Variants in FOCAD observed in about 807,000 individuals in gnomAD.
FOCAD encodes the protein focadhesin, also known as KIAA1797.
A neutral mutation model predicts 225.6 loss-of-function variants in FOCAD; 198 were observed. The observed-to-expected ratio is 0.88, with a 90% CI of 0.78 to 0.99. The LOEUF (loss-of-function observed/expected upper bound fraction) is 0.99, where lower values mean the gene tolerates loss of function less well. FOCAD is among the 50% of genes least tolerant of loss of function. The pLI is 0.00. For synonymous variants in FOCAD, 897 were observed against 755.0 expected, an observed-to-expected ratio of 1.19 and a Z score of -3.08; for missense variants, 2,713 against 2,123.6, an observed-to-expected ratio of 1.28 and a Z score of -5.46.
At chr9:20,657,055 A>G (rs1014386082), upstream of FOCAD, among the ~76,000 whole-genome samples, 3 of 152,164 alleles carry the variant, frequency 2.0e-5, no homozygotes, top group African/African-American at 7.2e-5. Flanking sequence ...TTGGCTGGAT[A>G]TGAAATTCTG....
intron 10 of FOCAD, among the ~76,000 whole-genome samples, chr9:20,789,119 T>C (rs1334734863): frequency 6.6e-6 from 1 of 152,200 alleles, no homozygotes; most frequent in Admixed American, 6.5e-5. Flanking sequence ...ATGGTAAATA[T>C]GAGGAAAAGT....
chr9:20,783,802 C>T (rs767486865), intron 10 of FOCAD, among the ~76,000 whole-genome samples: 15 of 152,156 alleles, frequency 9.9e-5, no homozygotes, highest in Non-Finnish European at 1.3e-4. Flanking sequence ...CCTCCACTCC[C>T]GCAAGAGAAT....
At chr9:20,765,920 G>C (rs895070436) in intron 7 of FOCAD, among the ~76,000 whole-genome samples, 3 of 152,184 alleles carry the variant, frequency 2.0e-5, no homozygotes, top group African/African-American at 7.2e-5. Flanking sequence ...CCTGCTTTAA[G>C]TTTGTGTTAG....
chr9:20,891,374 A>G (rs2131905804), intron 21 of FOCAD, among the ~76,000 whole-genome samples: 1 of 152,344 alleles, frequency 6.6e-6, no homozygotes, highest in South Asian at 2.1e-4. Context: ...AGGAAGGCAT[A>G]TTGAAAGCTG....
chr9:20,679,571 ACT>A (rs1410701620), upstream of FOCAD, among the ~76,000 whole-genome samples: 2 of 148,860 alleles, frequency 1.3e-5, no homozygotes, highest in African/African-American at 4.9e-5. Context: ...CATTTTTCTT[ACT>A]CTCTTTTTTT....
chr9:20,769,511 C>T (rs1817968307), intron 7 of FOCAD, among the ~76,000 whole-genome samples: 1 of 152,212 alleles, frequency 6.6e-6, no homozygotes, highest in South Asian at 2.1e-4. Context: ...GTTGAGAAGA[C>T]ACTCTACCAT....
chr9:20,778,578 T>C (rs1398722295), intron 8 of FOCAD, 103 bp from the exon 9 acceptor site: 2 of 636,028 alleles, frequency 3.1e-6, no homozygotes, highest in East Asian at 2.7e-5. Context: ...TGTAATAGGC[T>C]TGCAGTCTTT....
intron 35 of FOCAD, among the ~76,000 whole-genome samples, chr9:20,975,936 T>C (rs892695394): frequency 1.3e-5 from 2 of 152,208 alleles, no homozygotes; most frequent in Admixed American, 6.5e-5. Flanking sequence ...TAATGAGGGA[T>C]TGGTTAAAGG....
intron 4 of FOCAD, among the ~76,000 whole-genome samples, chr9:20,732,693 A>T (rs532266703): frequency 1.3e-5 from 2 of 152,264 alleles, no homozygotes; most frequent in East Asian, 3.9e-4. Flanking sequence ...AGGCACCTAG[A>T]TGGGATACAC....
At chr9:20,988,720 A>C (rs1489833590) in intron 41 of FOCAD, among the ~76,000 whole-genome samples, 2 of 152,058 alleles carry the variant, frequency 1.3e-5, no homozygotes, top group Admixed American at 6.5e-5. Flanking sequence ...ATTTTCAACA[A>C]AATATGTTTC....
At chr9:20,874,076 A>G (rs1830022134) in intron 18 of FOCAD, 2 of 152,202 alleles carry the variant, frequency 1.3e-5, no homozygotes, top group African/African-American at 4.8e-5. Context: ...AGCAGCCACA[A>G]AAATCCTCAA....
intron 11 of FOCAD, among the ~76,000 whole-genome samples, chr9:20,815,190 A>G (rs1165523285): frequency 3.2e-5 from 4 of 126,626 alleles, no homozygotes; most frequent in Admixed American, 9.8e-5. Flanking sequence ...GCTGGAGTGC[A>G]GTGGCACAAC....
chr9:20,699,470 A>G (rs1279019087), intron 1 of FOCAD, among the ~76,000 whole-genome samples: 2 of 151,842 alleles, frequency 1.3e-5, no homozygotes. Context: ...ACCTGGGCGC[A>G]GTAGCTCATG....
chr9:20,702,893 T>A (rs1824078172), intron 1 of FOCAD, among the ~76,000 whole-genome samples: 1 of 152,200 alleles, frequency 6.6e-6, no homozygotes, highest in Non-Finnish European at 1.5e-5. Context: ...TGCTTTGCAT[T>A]TATTCAGTTA....
At chr9:20,745,387 G>A (rs916667063) in intron 5 of FOCAD, among the ~76,000 whole-genome samples, 4 of 152,144 alleles carry the variant, frequency 2.6e-5, no homozygotes, top group Admixed American at 6.5e-5. Context: ...ATGGCACTGG[G>A]CCTGTTTAAA....
At position 20,819,915 on chromosome 9, in the gene FOCAD, T is replaced by G. The variant is rs768715888; in HGVS notation, c.1560+15T>G. 11 of 1,440,540 alleles carry G rather than the reference T, an allele frequency of 7.6e-6. No homozygotes were observed. The East Asian group carries it at 2.7e-4, about 35-fold the overall frequency. The allele number at this position is 1,440,540 out of a possible 1,614,324, so 89.2% of individuals were successfully genotyped here. A position where few individuals can be genotyped will look rare whatever the true frequency, so the allele number is the denominator to read the frequency against. The stretch of plus-strand genomic sequence containing the variant: ...GTGTTCACAAGGTTAGTATGTTAAT[T>G]AATTTAGTTGGCGAAAAAAGTGAGT... On this transcript the variant is annotated intron_variant, in intron 12 of 43. Transcript: ENST00000338382.
intron 4 of FOCAD, among the ~76,000 whole-genome samples, chr9:20,729,956 T>A (rs28602414): frequency 0.018 from 2,709 of 152,260 alleles, 78 homozygotes; most frequent in African/African-American, 0.062. Flanking sequence ...TTATAAATTA[T>A]CTCTCTAAAC....
intron 4 of FOCAD, among the ~76,000 whole-genome samples, chr9:20,729,788 T>A (rs912286003): frequency 6.6e-6 from 1 of 152,112 alleles, no homozygotes; most frequent in Non-Finnish European, 1.5e-5. Flanking sequence ...ATAATTGTGC[T>A]TAAATACAAG....
chr9:20,930,849 A>G (rs565937549), intron 27 of FOCAD, among the ~76,000 whole-genome samples: 1 of 152,310 alleles, frequency 6.6e-6, no homozygotes, highest in African/African-American at 2.4e-5. Context: ...TGACTGTTAC[A>G]TATCTTGTGT....
Sources: gnomAD v4.1 joint callset for allele counts (sites outside exome capture counted in the v4.1 genomes callset) on GRCh38, gnomAD v4.1.1 for gene constraint, MANE v1.5 for transcripts, NCBI Gene and HGNC (gene_info 2026-07-23, HGNC 2026-07-21) for gene names.